Variants in NIBAN2 observed in about 807,000 individuals in gnomAD.
NIBAN2 encodes protein Niban 2.
NIBAN2 carries 36 observed loss-of-function variants against 81.8 expected under a neutral mutation model. The ratio of observed to expected loss-of-function variants is 0.44; its 90% CI spans 0.34 to 0.58. NIBAN2 has a LOEUF of 0.58. Among genes scored for constraint, NIBAN2 ranks in the 20% least tolerant of loss-of-function variants. NIBAN2 has a pLI of 0.02. For synonymous variants in NIBAN2, 445 were observed against 441.6 expected (o/e 1.01, Z -0.10); for missense variants, 897 against 1,014.1 (o/e 0.88, Z 1.57).
At chr9:127,566,366 A>T (rs1489289382) in intron 1 of NIBAN2, among the ~76,000 whole-genome samples, 1 of 152,084 alleles carries the variant, frequency 6.6e-6, no homozygotes, top group East Asian at 1.9e-4. Flanking sequence ...CAGGCCAGGG[A>T]TTCTTCCTCA....
At chr9:127,524,752 C>T (rs192309630) in intron 4 of NIBAN2, 200 of 286,312 alleles carry the variant, frequency 7.0e-4, no homozygotes, top group African/African-American at 4.2e-3. Flanking sequence ...ATGTTGTTCC[C>T]GTAAGGCTTC....
rs1400278121 is a variant in NIBAN2 at position 127,545,160 on chromosome 9, C to T, written c.56-13382G>A. ...GCCTTGGGGTCCCACGTCTACAGTGCCCTCCTAGCGTCCACCCCTTGTGCC... is the reference window on the plus strand; with the variant it reads ...GCCTTGGGGTCCCACGTCTACAGTGTCCTCCTAGCGTCCACCCCTTGTGCC... On this transcript the variant is annotated intron_variant, in intron 1 of 13. Coordinates refer to ENST00000373312, the MANE Select transcript of NIBAN2 (RefSeq NM_022833.4). This position sits in a 1 kb window ranked among gnomAD's most constrained non-coding sequence, Gnocchi z 4.7. 3.3e-5 allele frequency among the ~76,000 whole-genome samples: 5 copies of T among 152,174 alleles called. No homozygotes were observed. Among genetic ancestry groups the T allele is most frequent in the African/African-American group, 4.8e-5 (2 of 41,444 alleles).
At chr9:127,554,727 A>T (rs1837637795) in intron 1 of NIBAN2, among the ~76,000 whole-genome samples, 1 of 151,528 alleles carries the variant, frequency 6.6e-6, no homozygotes, top group African/African-American at 2.4e-5. Context: ...TGCCCGGCTA[A>T]TTTTTGTATT....
At chr9:127,570,982 A>T (rs531778174), upstream of NIBAN2, among the ~76,000 whole-genome samples, 1 of 152,370 alleles carries the variant, frequency 6.6e-6, no homozygotes, top group South Asian at 2.1e-4. Flanking sequence ...GAGCAACCAG[A>T]AGCAAGTGAT....
intron 4 of NIBAN2, 77 bp downstream of exon 4, chr9:127,524,981 G>T: frequency 8.9e-7 from 1 of 1,122,304 alleles, no homozygotes; most frequent in Non-Finnish European, 1.3e-6. Context: ...AAAGCAATGG[G>T]CTCAGGGCCA....
intron 1 of NIBAN2, among the ~76,000 whole-genome samples, chr9:127,556,543 T>C (rs77375089): frequency 0.026 from 4,028 of 152,364 alleles, 179 homozygotes; most frequent in African/African-American, 0.091. Context: ...ATTACAGTTA[T>C]TGACTCCTCA....
At chr9:127,535,413 G>C (rs906760497) in intron 1 of NIBAN2, among the ~76,000 whole-genome samples, 1 of 152,254 alleles carries the variant, frequency 6.6e-6, no homozygotes, top group African/African-American at 2.4e-5. Flanking sequence ...GAAGGCCCAG[G>C]CATGTCCCAC....
intron 1 of NIBAN2, among the ~76,000 whole-genome samples, chr9:127,578,354 CA>C (rs150337961): frequency 0.017 from 1,399 of 83,534 alleles, 19 homozygotes; most frequent in African/African-American, 0.05. Flanking sequence ...GACTTGGTCT[CA>C]AAAAAAAAAA....
intron 1 of NIBAN2, among the ~76,000 whole-genome samples, chr9:127,574,835 G>A (rs770166858): frequency 6.6e-6 from 1 of 152,164 alleles, no homozygotes; most frequent in Non-Finnish European, 1.5e-5. Context: ...CTGTTGGGTG[G>A]TGGAAAGGTC....
chr9:127,514,731 A>G (rs566112632), intron 8 of NIBAN2, among the ~76,000 whole-genome samples: 1 of 152,342 alleles, frequency 6.6e-6, no homozygotes, highest in South Asian at 2.1e-4. Flanking sequence ...CATTCTGACC[A>G]AAGCATTTTC....
intron 1 of NIBAN2, among the ~76,000 whole-genome samples, chr9:127,577,098 G>C (rs946467327): frequency 6.6e-6 from 1 of 150,726 alleles, no homozygotes; most frequent in African/African-American, 2.4e-5. Context: ...ACCTGAGGTC[G>C]GGAGTTTGAG....
At chr9:127,527,048 G>A (rs1487863549) in intron 3 of NIBAN2, 146 bp downstream of exon 3, 18 of 916,986 alleles carry the variant, frequency 2.0e-5, no homozygotes, top group Non-Finnish European at 3.0e-5. Context: ...TTTGGGGGAG[G>A]GGAGGGGCTG....
rs1020933284 is a variant in NIBAN2, at chr9:127,559,537, C to A, written c.55+9283G>T. Among the ~76,000 whole-genome samples, 1 of 152,202 alleles carries A rather than the reference C, an allele frequency of 6.6e-6. No individual in the cohort carries two copies. The highest frequency in any genetic ancestry group is 1.5e-5 in the Non-Finnish European group (1 of 68,024). On this transcript the variant is annotated intron_variant, in intron 1 of 13. Coordinates refer to ENST00000373312, the MANE Select transcript of NIBAN2 (RefSeq NM_022833.4). The surrounding 1 kb of genome is among the most constrained non-coding windows in gnomAD (Gnocchi z 4.0). ...GGTGACTGGAGCACGAGTGGGTGGG[C>A]AGCTTCTTCCCAAGGGACTCCTCTT...
intron 1 of NIBAN2, among the ~76,000 whole-genome samples, chr9:127,578,244 T>C (rs904129466): frequency 6.8e-5 from 10 of 146,738 alleles, no homozygotes; most frequent in Non-Finnish European, 1.5e-5. Context: ...TGAAATCCCA[T>C]CCGGGAGGCT....
chr9:127,515,955 T>C (rs1331408906), intron 8 of NIBAN2, among the ~76,000 whole-genome samples: 3 of 151,936 alleles, frequency 2.0e-5, no homozygotes, highest in Non-Finnish European at 1.5e-5. Flanking sequence ...CTGGGCAACA[T>C]GGCAAAACCC....
intron 3 of NIBAN2, among the ~76,000 whole-genome samples, chr9:127,526,766 G>A (rs1837074070): frequency 6.6e-6 from 1 of 152,152 alleles, no homozygotes; most frequent in Non-Finnish European, 1.5e-5. Flanking sequence ...GTAGGGCAGG[G>A]GCAAGCCACC....
intron 5 of NIBAN2, among the ~76,000 whole-genome samples, chr9:127,520,376 T>C (rs1836915346): frequency 6.6e-6 from 1 of 151,836 alleles, no homozygotes; most frequent in South Asian, 2.1e-4. Flanking sequence ...TAGCTGGGAC[T>C]ATAGGCACCC....
At chr9:127,532,954 T>A (rs1364635843) in intron 1 of NIBAN2, among the ~76,000 whole-genome samples, 1 of 151,910 alleles carries the variant, frequency 6.6e-6, no homozygotes, top group Non-Finnish European at 1.5e-5. Flanking sequence ...GGTCAGGAGT[T>A]CGAGACCAGC....
At chr9:127,564,200 G>A (rs1837819684) in intron 1 of NIBAN2, among the ~76,000 whole-genome samples, 1 of 151,930 alleles carries the variant, frequency 6.6e-6, no homozygotes, top group South Asian at 2.1e-4. Context: ...GGCTGAGACA[G>A]GAGAATTGCT....
Sources: gnomAD v4.1 joint callset for allele counts (sites outside exome capture counted in the v4.1 genomes callset) on GRCh38, gnomAD v4.1.1 for gene constraint, Gnocchi (gnomAD v3.1) non-coding constraint, MANE v1.5 for transcripts, NCBI Gene and HGNC (gene_info 2026-07-23, HGNC 2026-07-21) for gene names.